The following RAI1 variants were observed in gnomAD, a reference collection of about 807,000 sequenced individuals.
RAI1 encodes the protein retinoic acid-induced protein 1.
RAI1 carries 9 observed loss-of-function variants against 123.8 expected under a neutral mutation model. The observed-to-expected ratio is 0.07, with a 90% CI of 0.04 to 0.13. RAI1 has a LOEUF of 0.13. RAI1 is among the 10% of genes least tolerant of loss of function. The probability of loss-of-function intolerance (pLI) is 1.00; values close to 1 mark genes in which losing one functional copy is unlikely to be tolerated. For synonymous variants in RAI1, 1,231 were observed against 1,127.3 expected (o/e 1.09, Z -1.84); for missense variants, 2,256 against 2,545.8 (o/e 0.89, Z 2.45).
In RAI1 at chr17:17,799,638, CTA is replaced by C. The variant is rs1459402391; in HGVS notation, c.5565+1127_5565+1128del. On this transcript the variant is annotated intron_variant, in intron 3 of 5. Transcript: ENST00000353383. The surrounding 1 kb of genome is among the most constrained non-coding windows in gnomAD (Gnocchi z 4.5). ...CCCCTCCACTCCTTCCTTCAACCCA[CTA>C]TGTGCGGCTGAGGTCACAGGGGAGC... Among the ~76,000 whole-genome samples the C allele has an allele frequency of 6.6e-6, 1 of 152,206 alleles. No individual in the cohort carries two copies. Among genetic ancestry groups the C allele is most frequent in the African/African-American group, 2.4e-5 (1 of 41,442 alleles).
In RAI1 at chr17:17,809,304, C is replaced by T. The variant is rs1002290631; in HGVS notation, c.5660-86C>T. ...GCAGTCTGGAGCCTCGCGGGCAGTG[C>T]GGCTCCCCTCCTGGCTGCAGACAAA... On this transcript the variant is annotated intron_variant, in intron 4 of 5. Coordinates refer to ENST00000353383, the MANE Select transcript of RAI1 (RefSeq NM_030665.4). This position sits in a 1 kb window ranked among gnomAD's most constrained non-coding sequence, Gnocchi z 4.9. 7 of 1,193,346 alleles carry T rather than the reference C, an allele frequency of 5.9e-6. No homozygotes were observed. The highest frequency in any genetic ancestry group is 7.5e-6 in the Non-Finnish European group (6 of 797,944). The allele number at this position is 1,193,346 out of a possible 1,614,324, so 73.9% of individuals were successfully genotyped here. A position where few individuals can be genotyped will look rare whatever the true frequency, so the allele number is the denominator to read the frequency against.
chr17:17,785,708 C>T (rs1272489948), intron 2 of RAI1, among the ~76,000 whole-genome samples: 2 of 152,290 alleles, frequency 1.3e-5, no homozygotes, highest in African/African-American at 4.8e-5. Flanking sequence ...ACCTCCTGCA[C>T]GGGTCTGCCC....
In RAI1 at chr17:17,795,736, C is replaced by A. The variant is rs2032213353; in HGVS notation, c.2788C>A (p.Pro930Thr). The A allele has an allele frequency of 6.2e-7, 1 of 1,613,376 alleles. No homozygotes were observed. Among genetic ancestry groups the A allele is most frequent in the Non-Finnish European group, 8.5e-7 (1 of 1,180,034 alleles). The change falls in exon 3 of 6, where the codon CCT (proline) becomes ACT (threonine). Residue 930 changes from proline to threonine, a missense_variant. By Grantham distance (38) the Pro-to-Thr change is conservative (BLOSUM62 -1). Coordinates refer to ENST00000353383, the MANE Select transcript of RAI1 (RefSeq NM_030665.4). The surrounding 1 kb of genome is among the most constrained non-coding windows in gnomAD (Gnocchi z 5.9). ...AGGGGAGTCCGTCATCCTGCTGGGCCCTACAGTGGGCACCGAGTCAAAGGT... is the reference window on the plus strand; with the variant it reads ...AGGGGAGTCCGTCATCCTGCTGGGCACTACAGTGGGCACCGAGTCAAAGGT... ...LSGESVILLG[P>T]TVGTESKVQS... is the part of the protein sequence containing the mutation.
chr17:17,728,730 C>T (rs1273427498), intron 2 of RAI1, among the ~76,000 whole-genome samples: 2 of 152,222 alleles, frequency 1.3e-5, no homozygotes, highest in Non-Finnish European at 2.9e-5. Context: ...TTGCACAGAT[C>T]CTGCAAGTCA....
chr17:17,764,393 G>C (rs937955998), intron 2 of RAI1, among the ~76,000 whole-genome samples: 1 of 151,696 alleles, frequency 6.6e-6, no homozygotes, highest in Non-Finnish European at 1.5e-5. Flanking sequence ...CCCTCATCAG[G>C]CATTTCCTGC....
At position 17,796,074 on chromosome 17, in the gene RAI1, A is replaced by T; in HGVS notation, c.3126A>T (p.Gly1042=). The T allele has an allele frequency of 6.3e-7, 1 of 1,581,294 alleles. No individual in the cohort carries two copies. The highest frequency in any genetic ancestry group is 8.6e-7 in the Non-Finnish European group (1 of 1,163,804). ...GPPQGQMEGA[G]APGRGASEGL... is the part of the protein sequence containing the mutation. The stretch of plus-strand genomic sequence containing the variant: ...CCCAGGGACAGATGGAAGGGGCTGG[A>T]GCCCCAGGCCGGGGGGCCTCGGAAG... Residue 1042 remains glycine (G), a synonymous_variant, in exon 3 of 6, where the codon GGA becomes GGT. Transcript: ENST00000353383. The surrounding 1 kb of genome is among the most constrained non-coding windows in gnomAD (Gnocchi z 5.8).
chr17:17,775,013 C>T (rs898366239), intron 2 of RAI1, among the ~76,000 whole-genome samples: 4 of 152,126 alleles, frequency 2.6e-5, no homozygotes, highest in Non-Finnish European at 5.9e-5. Context: ...AAGCCCAGCC[C>T]AGCTTCTGGT....
intron 4 of RAI1, 118 bp downstream of exon 4, chr17:17,803,967 C>G: frequency 3.1e-6 from 3 of 971,698 alleles, no homozygotes; most frequent in Non-Finnish European, 4.9e-6. Context: ...TTTCCCTCCT[C>G]TCTTGCCCCA....
intron 2 of RAI1, among the ~76,000 whole-genome samples, chr17:17,789,152 C>A (rs1260278745): frequency 1.3e-5 from 2 of 152,234 alleles, no homozygotes; most frequent in African/African-American, 4.8e-5. Context: ...AGTGGGAGCC[C>A]CTCACGGGGG....
Position 17,796,394 on chromosome 17 carries a change from G to A in RAI1, c.3446G>A (p.Arg1149His), listed in dbSNP as rs772669262. The change falls in exon 3 of 6, where the codon CGC (arginine) becomes CAC (histidine). Residue 1149 changes from arginine (R) to histidine (H), a missense_variant. Coordinates refer to ENST00000353383, the MANE Select transcript of RAI1 (RefSeq NM_030665.4). The surrounding 1 kb of genome is among the most constrained non-coding windows in gnomAD (Gnocchi z 5.8). ...KDQRSMILRS[R>H]TKTQEIFHSK... ...CAGCGCTCCATGATCCTTCGGTCAC[G>A]CACCAAAACCCAGGAGATCTTCCAC... is the stretch of plus-strand genomic sequence containing the variant. 20 of 1,613,656 alleles carry A rather than the reference G, an allele frequency of 1.2e-5. No individual in the cohort carries two copies. Among genetic ancestry groups the A allele is most frequent in the Non-Finnish European group, 1.6e-5 (19 of 1,180,010 alleles).
At chr17:17,682,376 C>T (rs1368754786) in intron 1 of RAI1, 1 of 151,622 alleles carries the variant, frequency 6.6e-6, no homozygotes, top group Non-Finnish European at 1.5e-5. Context: ...TGCGCAGGCC[C>T]CGAGGCCGGG....
At chr17:17,711,942 G>T (rs1203738469) in intron 1 of RAI1, among the ~76,000 whole-genome samples, 1 of 152,254 alleles carries the variant, frequency 6.6e-6, no homozygotes, top group Non-Finnish European at 1.5e-5. Flanking sequence ...GTCACGCGGT[G>T]TCCGGCCCTG....
At chr17:17,726,821 C>T (rs1334279655) in intron 2 of RAI1, among the ~76,000 whole-genome samples, 1 of 152,030 alleles carries the variant, frequency 6.6e-6, no homozygotes, top group South Asian at 2.1e-4. Flanking sequence ...CTTTTCGACT[C>T]GGTGGTTGGT....
intron 2 of RAI1, among the ~76,000 whole-genome samples, chr17:17,742,460 TG>T (rs1233417071): frequency 6.6e-6 from 1 of 152,150 alleles, no homozygotes; most frequent in African/African-American, 2.4e-5. Flanking sequence ...AATGAATGAA[TG>T]AATAAAGGAA....
At position 17,793,765 on chromosome 17, in the gene RAI1, C is replaced by T. The variant is rs758637644; in HGVS notation, c.817C>T (p.Arg273Cys). The T allele has an allele frequency of 8.7e-6, 14 of 1,608,932 alleles. No individual in the cohort carries two copies. The highest frequency in any genetic ancestry group is 1.6e-4 in the Middle Eastern group (1 of 6,082). ...VQNLHAYQSG[R>C]LSYDQQQQQQ... ...GAATCTTCATGCCTACCAGTCGGGC[C>T]GCCTCAGCTATGACCAGCAGCAGCA... The change falls in exon 3 of 6, where the codon CGC becomes TGC. Residue 273 changes from arginine to cysteine, a missense_variant. Arg to Cys is a radical substitution (Grantham distance 180). Transcript: ENST00000353383.
intron 2 of RAI1, among the ~76,000 whole-genome samples, chr17:17,739,508 G>A (rs916396881): frequency 2.6e-5 from 4 of 152,230 alleles, no homozygotes; most frequent in African/African-American, 9.6e-5. Flanking sequence ...GCAGCCAGGG[G>A]TCAGGGAGCC....
chr17:17,683,038 G>A (rs1914497227), intron 1 of RAI1, among the ~76,000 whole-genome samples: 3 of 152,184 alleles, frequency 2.0e-5, no homozygotes, highest in Admixed American at 1.3e-4. Context: ...ACCCACTCGG[G>A]ATCTGCACGG....
At chr17:17,781,876 C>T (rs895630222) in intron 2 of RAI1, among the ~76,000 whole-genome samples, 3 of 152,098 alleles carry the variant, frequency 2.0e-5, no homozygotes, top group African/African-American at 7.2e-5. Flanking sequence ...TTAGAAGCCC[C>T]AGCTTCGTAA....
At chr17:17,722,952 G>A (rs1440243364) in intron 1 of RAI1, among the ~76,000 whole-genome samples, 1 of 152,194 alleles carries the variant, frequency 6.6e-6, no homozygotes, top group Non-Finnish European at 1.5e-5. Flanking sequence ...ACGCCAGGAG[G>A]ACTAACCCCC....
Sources: allele counts gnomAD v4.1 joint callset (sites outside exome capture counted in the v4.1 genomes callset), GRCh38; gene constraint gnomAD v4.1.1; non-coding constraint Gnocchi (gnomAD v3.1); transcripts MANE v1.5; gene names NCBI Gene and HGNC (gene_info 2026-07-23, HGNC 2026-07-21).